SLC39A11: variants seen among roughly 807,000 people sequenced by gnomAD.
The protein encoded by SLC39A11 is zinc transporter ZIP11.
In SLC39A11, 33 loss-of-function variants were observed where a neutral mutation model predicts 36.1. The observed-to-expected ratio is 0.91, with a 90% CI of 0.69 to 1.22. SLC39A11 has a LOEUF of 1.22. SLC39A11 is among the 50% of genes most tolerant of loss of function. SLC39A11 has a pLI of 0.00. For missense variants in SLC39A11, 432 were observed against 430.3 expected (o/e 1.00, Z -0.03); for synonymous variants, 166 against 170.3 (o/e 0.97, Z 0.20).
At chr17:72,981,590 A>C (rs1219258122) in intron 4 of SLC39A11, among the ~76,000 whole-genome samples, 1 of 86,458 alleles carries the variant, frequency 1.2e-5, no homozygotes, top group Non-Finnish European at 2.6e-5. Context: ...TAAATATTTA[A>C]ATGCAAAAAA....
intron 3 of SLC39A11, among the ~76,000 whole-genome samples, chr17:73,060,014 A>C (rs2059790141): frequency 6.6e-6 from 1 of 152,078 alleles, no homozygotes. Flanking sequence ...GTTCAAGACC[A>C]GCCTGGCCAA....
chr17:72,763,946 C>A (rs1305315635), intron 6 of SLC39A11, among the ~76,000 whole-genome samples: 1 of 152,124 alleles, frequency 6.6e-6, no homozygotes, highest in Non-Finnish European at 1.5e-5. Flanking sequence ...TCAGCACCTA[C>A]CTCCCAGGAT....
chr17:72,651,417 G>A (rs1300204128), intron 7 of SLC39A11, among the ~76,000 whole-genome samples: 1 of 152,164 alleles, frequency 6.6e-6, no homozygotes, highest in Non-Finnish European at 1.5e-5. Context: ...AATGCATCAG[G>A]AGCCTGCAGC....
At chr17:72,888,861 C>G (rs1170436928) in intron 5 of SLC39A11, among the ~76,000 whole-genome samples, 1 of 152,000 alleles carries the variant, frequency 6.6e-6, no homozygotes, top group Admixed American at 6.6e-5. Flanking sequence ...ATGATTGTGG[C>G]CCTACACTCC....
Position 72,647,149 on chromosome 17 carries a change from C to G in SLC39A11, c.*435G>C, listed in dbSNP as rs2069596015. On this transcript the variant is annotated 3_prime_UTR_variant, in exon 10 of 10. Coordinates refer to ENST00000255559, the MANE Select transcript of SLC39A11 (RefSeq NM_139177.4). ...GGGGAGAGGCTCAGCAGTGATGGAG[C>G]AGGAGGGGCGGATGAGAGGTGTGCT... The G allele has an allele frequency of 6.4e-6, 1 of 155,620 alleles. No individual in the cohort carries two copies. The highest frequency in any genetic ancestry group is 1.4e-5 in the Non-Finnish European group (1 of 70,576). 9.6% of individuals were successfully genotyped at this position (155,620 alleles called of 1,614,324 possible).
intron 6 of SLC39A11, chr17:72,837,828 C>T: frequency 1.5e-6 from 1 of 677,000 alleles, no homozygotes; most frequent in Non-Finnish European, 2.1e-6. Context: ...AAATGAAAGT[C>T]AGTCCCGGTT....
intron 3 of SLC39A11, among the ~76,000 whole-genome samples, chr17:73,065,895 G>A (rs2059983982): frequency 1.3e-5 from 2 of 152,214 alleles, no homozygotes; most frequent in South Asian, 4.1e-4. Context: ...GAGGCTCAGA[G>A]GCAGGACGGA....
intron 6 of SLC39A11, among the ~76,000 whole-genome samples, chr17:72,846,617 C>A (rs1364452589): frequency 3.9e-5 from 6 of 152,162 alleles, no homozygotes; most frequent in African/African-American, 1.2e-4. Flanking sequence ...TCCAGCTGAG[C>A]ATAATGAATC....
chr17:72,886,284 T>A (rs113665895), intron 5 of SLC39A11, among the ~76,000 whole-genome samples: 5,782 of 152,328 alleles, frequency 0.038, 159 homozygotes, highest in Non-Finnish European at 0.058. Flanking sequence ...ATGTCTTCCA[T>A]GAACTCCAAA....
chr17:73,087,438 T>C (rs1291281737), intron 2 of SLC39A11, among the ~76,000 whole-genome samples: 1 of 152,244 alleles, frequency 6.6e-6, no homozygotes, highest in African/African-American at 2.4e-5. Context: ...AAGTCACTTA[T>C]TCATTTGCCG....
chr17:72,930,305 T>A (rs2084306676), intron 5 of SLC39A11, among the ~76,000 whole-genome samples: 1 of 152,128 alleles, frequency 6.6e-6, no homozygotes, highest in Non-Finnish European at 1.5e-5. Context: ...ACTGGCCCAG[T>A]CCTATAAATT....
chr17:72,690,645 C>A (rs2071986041), intron 7 of SLC39A11, among the ~76,000 whole-genome samples: 1 of 152,206 alleles, frequency 6.6e-6, no homozygotes, highest in Non-Finnish European at 1.5e-5. Context: ...CTCCTTCCTT[C>A]TTGTGTTATA....
chr17:72,658,039 G>A (rs2070222815), intron 7 of SLC39A11, among the ~76,000 whole-genome samples: 1 of 152,214 alleles, frequency 6.6e-6, no homozygotes, highest in Admixed American at 6.5e-5. Context: ...TGTAGGGACA[G>A]CAGCAGACAC....
At chr17:72,953,421 T>A (rs8080025) in intron 4 of SLC39A11, among the ~76,000 whole-genome samples, 2,088 of 152,258 alleles carry the variant, frequency 0.014, 50 homozygotes, top group East Asian at 0.061. Flanking sequence ...GCTCTGCAAC[T>A]TGCCTTACAT....
At chr17:72,812,944 C>G (rs1397992360) in intron 6 of SLC39A11, among the ~76,000 whole-genome samples, 1 of 151,252 alleles carries the variant, frequency 6.6e-6, no homozygotes, top group African/African-American at 2.5e-5. Context: ...AAGCTCCTCC[C>G]CGCCCCTTAG....
chr17:72,746,837 A>C (rs976163021), intron 6 of SLC39A11, among the ~76,000 whole-genome samples: 1 of 152,054 alleles, frequency 6.6e-6, no homozygotes, highest in Non-Finnish European at 1.5e-5. Flanking sequence ...ACTTGAAGCT[A>C]AGAGTTTGAG....
intron 3 of SLC39A11, among the ~76,000 whole-genome samples, chr17:73,035,108 A>G (rs1180681146): frequency 6.6e-6 from 1 of 152,198 alleles, no homozygotes; most frequent in East Asian, 1.9e-4. Context: ...AAATGAAAAA[A>G]GCACCCAAAG....
chr17:72,687,844 A>G (rs927052191), intron 7 of SLC39A11, among the ~76,000 whole-genome samples: 1 of 152,218 alleles, frequency 6.6e-6, no homozygotes, highest in African/African-American at 2.4e-5. Context: ...CCAAGTAGGC[A>G]TAATTATTCC....
chr17:72,829,307 C>T (rs575333653), intron 6 of SLC39A11, among the ~76,000 whole-genome samples: 126 of 151,402 alleles, frequency 8.3e-4, no homozygotes, highest in Non-Finnish European at 1.6e-3. Context: ...GCCATGATTG[C>T]CTCACTGCAG....
Sources: gnomAD v4.1 joint callset for allele counts (sites outside exome capture counted in the v4.1 genomes callset) on GRCh38, gnomAD v4.1.1 for gene constraint, MANE v1.5 for transcripts, NCBI Gene and HGNC (gene_info 2026-07-23, HGNC 2026-07-21) for gene names.